Variants in CHRNA1 observed in about 807,000 individuals in gnomAD.
CHRNA1 encodes cholinergic receptor nicotinic alpha 1 subunit, also known as acetylcholine receptor subunit alpha.
A neutral mutation model predicts 47.1 loss-of-function variants in CHRNA1; 35 were observed. The ratio of observed to expected loss-of-function variants is 0.74; its 90% CI spans 0.57 to 0.99. CHRNA1 has a LOEUF of 0.99. CHRNA1 is among the 50% of genes least tolerant of loss of function. The probability of loss-of-function intolerance (pLI) is 0.00; values close to 1 mark genes in which losing one functional copy is unlikely to be tolerated. For missense variants in CHRNA1, 506 were observed against 591.1 expected (o/e 0.86, Z 1.49); for synonymous variants, 229 against 223.6 (o/e 1.02, Z -0.22).
In CHRNA1 at chr2:174,760,603, G is replaced by A. The variant is rs1684084515; in HGVS notation, c.44-970C>T. ...TAATGTGCTTGATGTTTCCCTTTGG[G>A]ATGATGAAAACGTTCTGGAAATAGA... On this transcript the variant is annotated intron_variant, in intron 1 of 8. Coordinates refer to ENST00000348749, the MANE Select transcript of CHRNA1 (RefSeq NM_000079.4). Among the ~76,000 whole-genome samples, 3 of 152,178 alleles carry A rather than the reference G, an allele frequency of 2.0e-5. No homozygotes were observed. The South Asian group carries it at 6.2e-4, about 32-fold the overall frequency.
rs1268247154 is a variant in CHRNA1 at position 174,755,416 on chromosome 2, AT to A, written c.345-1003del. On this transcript the variant is annotated intron_variant, in intron 4 of 8. Coordinates refer to ENST00000348749, the MANE Select transcript of CHRNA1 (RefSeq NM_000079.4). The stretch of plus-strand genomic sequence containing the variant: ...TCTTCCTCGGAAGCTGGAAACTTAG[AT>A]TTTTTTTCTTTTTTTTTTTTGAGAT... Among the ~76,000 whole-genome samples, 18 of 147,072 alleles carry A rather than the reference AT, an allele frequency of 1.2e-4. No homozygotes were observed. The South Asian group carries it at 2.4e-3, about 20-fold the overall frequency.
rs775838764 is a variant in CHRNA1, at chr2:174,753,634, G to A, written c.647C>T (p.Thr216Ile). 1 of 1,614,126 alleles carries A rather than the reference G, an allele frequency of 6.2e-7. No individual in the cohort carries two copies. Residue 216 changes from threonine to isoleucine, a missense_variant, in exon 6 of 9, where the codon ACC becomes ATC. By Grantham distance (89) the Thr-to-Ile change is moderately conservative. Coordinates refer to ENST00000348749, the MANE Select transcript of CHRNA1 (RefSeq NM_000079.4). ...GTGGTAGGTGATGTCCAGGTAGGGG[G>A]TGTCGGGGCAGCAGGAATAGGTCAC... ...HSVTYSCCPDTPYLDITYHFV... is the reference protein window; with the variant it reads ...HSVTYSCCPDIPYLDITYHFV...
At chr2:174,758,737 C>T (rs959850147) in intron 3 of CHRNA1, among the ~76,000 whole-genome samples, 1 of 152,082 alleles carries the variant, frequency 6.6e-6, no homozygotes, top group Admixed American at 6.6e-5. Flanking sequence ...CATGCTGAAG[C>T]GCTAACTCCC....
At chr2:174,749,896 G>A (rs763541797) in intron 7 of CHRNA1, 50 bp downstream of exon 7, 1 of 1,495,694 alleles carries the variant, frequency 6.7e-7, no homozygotes, top group Non-Finnish European at 9.3e-7. Context: ...TCGAAGGGGA[G>A]GCCTGTAGAT....
chr2:174,764,291 G>T, intron 1 of CHRNA1, 61 bp downstream of exon 1: 6 of 1,551,224 alleles, frequency 3.9e-6, no homozygotes, highest in Non-Finnish European at 5.3e-6. Context: ...TTGATTTGGG[G>T]GCCTCCAGCA....
In CHRNA1 at chr2:174,754,261, C is replaced by T; in HGVS notation, c.498G>A (p.Leu166=). The T allele has an allele frequency of 6.2e-7, 1 of 1,614,068 alleles. No individual in the cohort carries two copies. The change falls in exon 5 of 9, where the codon CTG becomes CTA. Residue 166 remains leucine (L), a synonymous_variant. Transcript: ENST00000348749. ...PFDEQNCSMK[L]GTWTYDGSVV... The stretch of plus-strand genomic sequence containing the variant: ...CAGAGCCGTCGTAGGTCCAGGTGCC[C>T]AGCTTCATGCTGCAGTTCTGTTCAT...
At chr2:174,759,680 C>T (rs757800363) in intron 1 of CHRNA1, 47 bp from the exon 2 acceptor site, 1 of 1,607,392 alleles carries the variant, frequency 6.2e-7, no homozygotes. Context: ...TCTCCCCACC[C>T]TCCAAACACA....
Position 174,757,655 on chromosome 2 carries a change from T to G in CHRNA1, c.255A>C (p.Leu85=), listed in dbSNP as rs368009217. ...CGCCATAGTCATCTGGATTCCATTT[T>G]AGGTTGTAATCCACCCATTGCTAGA... is the stretch of plus-strand genomic sequence containing the variant. ...RLKQQWVDYN[L]KWNPDDYGGV... is the part of the protein sequence containing the mutation. The change falls in exon 4 of 9, where the codon CTA becomes CTC. Residue 85 remains leucine (L), a synonymous_variant. Coordinates refer to ENST00000348749, the MANE Select transcript of CHRNA1 (RefSeq NM_000079.4). 2.3e-5 allele frequency: 37 copies of G among 1,614,184 alleles called. No individual in the cohort carries two copies. The South Asian group carries it at 3.6e-4, about 16-fold the overall frequency.
At chr2:174,754,496 G>GTCTC in intron 4 of CHRNA1, 82 bp from the exon 5 acceptor site, 8 of 1,202,286 alleles carry the variant, frequency 6.7e-6, no homozygotes, top group Non-Finnish European at 9.8e-6. Flanking sequence ...ACAGGAGACA[G>GTCTC]CTGTTAATTA....
chr2:174,756,273 G>C (rs1451381131), intron 4 of CHRNA1, among the ~76,000 whole-genome samples: 1 of 152,172 alleles, frequency 6.6e-6, no homozygotes, highest in Non-Finnish European at 1.5e-5. Context: ...TTTAGCAGAG[G>C]GCAGGGTGTT....
chr2:174,759,414 A>G (rs1684047951), intron 2 of CHRNA1, 39 bp from the exon 3 acceptor site: 2 of 1,613,320 alleles, frequency 1.2e-6, no homozygotes, highest in Admixed American at 1.7e-5. Context: ...TGGGGGAGAG[A>G]GGGGACCCAG....
In CHRNA1 at chr2:174,753,484, T is replaced by A; in HGVS notation, c.778+19A>T. Reference sequence around the variant, plus strand: ...GACCCATCAGCGTCAGCAGCAGCAGTCATGGCAACCACACCCACCTGAGTC... The same window carrying A: ...GACCCATCAGCGTCAGCAGCAGCAGACATGGCAACCACACCCACCTGAGTC... On this transcript the variant is annotated intron_variant, in intron 6 of 8. Coordinates refer to ENST00000348749, the MANE Select transcript of CHRNA1 (RefSeq NM_000079.4). The A allele has an allele frequency of 6.2e-7, 1 of 1,607,186 alleles. No homozygotes were observed. The highest frequency in any genetic ancestry group is 2.2e-5 in the East Asian group (1 of 44,846).
intron 6 of CHRNA1, chr2:174,752,952 A>G (rs1168071170): frequency 5.7e-6 from 1 of 175,582 alleles, no homozygotes; most frequent in African/African-American, 2.3e-5. Context: ...CACAGATAGG[A>G]TTACTCAGTA....
intron 1 of CHRNA1, 24 bp from the exon 2 acceptor site, chr2:174,759,657 A>G (rs1684061218): frequency 6.2e-7 from 1 of 1,611,088 alleles, no homozygotes; most frequent in East Asian, 2.2e-5. Flanking sequence ...TGACACCAAC[A>G]CTGTCAGATT....
At chr2:174,755,467 T>C (rs1220819306) in intron 4 of CHRNA1, among the ~76,000 whole-genome samples, 1 of 151,904 alleles carries the variant, frequency 6.6e-6, no homozygotes, top group East Asian at 1.9e-4. Context: ...TTGCCCAGGC[T>C]GGAGTGCAGT....
At chr2:174,753,849 C>T in intron 5 of CHRNA1, 109 bp from the exon 6 acceptor site, 1 of 1,034,736 alleles carries the variant, frequency 9.7e-7, no homozygotes, top group South Asian at 1.4e-5. Context: ...GTGGGTCACA[C>T]ACCCAGGAGG....
intron 3 of CHRNA1, 98 bp from the exon 4 acceptor site, chr2:174,757,773 C>A: frequency 8.6e-7 from 1 of 1,161,072 alleles, no homozygotes; most frequent in Non-Finnish European, 1.3e-6. Context: ...TCAGTATTGA[C>A]AGAAATTGTG....
In CHRNA1 at chr2:174,748,387, G is replaced by A. The variant is rs2255918; in HGVS notation, c.1243-132C>T. ...GTCCTCCCATCCCTTGGCTGGCATC[G>A]TCTTTATTTTTTGAATAGATTATTT... is the stretch of plus-strand genomic sequence containing the variant. On this transcript the variant is annotated intron_variant, in intron 8 of 8. Coordinates refer to ENST00000348749, the MANE Select transcript of CHRNA1 (RefSeq NM_000079.4). The A allele has an allele frequency of 0.85, 1,202,237 of 1,415,938 alleles. 514,904 individuals are homozygous for A. The highest frequency in any genetic ancestry group is 0.89 in the Admixed American group (42,946 of 48,074). 87.7% of individuals were successfully genotyped at this position (1,415,938 alleles called of 1,614,324 possible). A position where few individuals can be genotyped will look rare whatever the true frequency, so the allele number is the denominator to read the frequency against.
At chr2:174,757,833 A>T in intron 3 of CHRNA1, 158 bp from the exon 4 acceptor site, 2 of 945,406 alleles carry the variant, frequency 2.1e-6, no homozygotes, top group South Asian at 2.8e-5. Context: ...TTCAGTAAAT[A>T]AGAACAGCAA....
Sources: allele counts gnomAD v4.1 joint callset (sites outside exome capture counted in the v4.1 genomes callset), GRCh38; gene constraint gnomAD v4.1.1; transcripts MANE v1.5; gene names NCBI Gene and HGNC (gene_info 2026-07-23, HGNC 2026-07-21).